CBLB: variants seen among roughly 807,000 people sequenced by gnomAD.
The protein encoded by CBLB is Cbl proto-oncogene B, also known as E3 ubiquitin-protein ligase CBL-B.
CBLB carries 31 observed loss-of-function variants against 104.9 expected under a neutral mutation model. The ratio of observed to expected loss-of-function variants is 0.30; its 90% CI spans 0.22 to 0.40. CBLB has a LOEUF of 0.40. CBLB is among the 10% of genes least tolerant of loss of function. The pLI, the probability that CBLB is intolerant of heterozygous loss-of-function variation, is 1.00. For missense variants in CBLB, 1,062 were observed against 1,214.6 expected, an observed-to-expected ratio of 0.87 and a Z score of 1.87; for synonymous variants, 440 against 422.6, an observed-to-expected ratio of 1.04 and a Z score of -0.51.
rs141992564 is a variant in CBLB at position 105,705,849 on chromosome 3, T to C, written c.1408-1676A>G. On this transcript the variant is annotated intron_variant, in intron 10 of 18. Transcript: ENST00000394030. ...TTTGTAAAGACTTTTTAAAAATAAA[T>C]CTGAGGCCAGCCCTGGTGGCTGATG... is the stretch of plus-strand genomic sequence containing the variant. Among the ~76,000 whole-genome samples the C allele has an allele frequency of 3.1e-3, 476 of 152,344 alleles. 4 individuals are homozygous for C. The Middle Eastern group carries it at 0.037, about 12-fold the overall frequency.
chr3:105,674,670 AG>A (rs2152707204), intron 17 of CBLB, among the ~76,000 whole-genome samples: 1 of 152,352 alleles, frequency 6.6e-6, no homozygotes, highest in South Asian at 2.1e-4. Context: ...ACCAGCAAAA[AG>A]GAAGTACTTT....
chr3:105,780,653 G>GTTTTTT (rs1245925965), intron 3 of CBLB, among the ~76,000 whole-genome samples: 7 of 84,692 alleles, frequency 8.3e-5, no homozygotes, highest in Non-Finnish European at 1.5e-4. Flanking sequence ...TAAAAGTTTT[G>GTTTTTT]TTTTTTGTTT....
chr3:105,818,938 T>C (rs2085439790), intron 3 of CBLB, among the ~76,000 whole-genome samples: 1 of 152,118 alleles, frequency 6.6e-6, no homozygotes, highest in South Asian at 2.1e-4. Flanking sequence ...AAAACTATAG[T>C]GAAAAAGTTT....
At chr3:105,803,770 C>T (rs981903442) in intron 3 of CBLB, among the ~76,000 whole-genome samples, 3 of 152,076 alleles carry the variant, frequency 2.0e-5, no homozygotes, top group African/African-American at 7.2e-5. Context: ...ATAGAATGAA[C>T]TTAAATTTGT....
chr3:105,830,976 G>A (rs1378977324), intron 3 of CBLB, among the ~76,000 whole-genome samples: 1 of 152,200 alleles, frequency 6.6e-6, no homozygotes, highest in Admixed American at 6.5e-5. Flanking sequence ...TAGCTGAGGA[G>A]ACACGGCTGA....
chr3:105,780,095 T>C (rs1560206414), intron 3 of CBLB, among the ~76,000 whole-genome samples: 1 of 151,954 alleles, frequency 6.6e-6, no homozygotes, highest in Non-Finnish European at 1.5e-5. Context: ...TCAGGTGATC[T>C]AACCATCTCA....
intron 3 of CBLB, among the ~76,000 whole-genome samples, chr3:105,824,798 C>T (rs1472127337): frequency 3.3e-5 from 5 of 152,086 alleles, no homozygotes; most frequent in Admixed American, 2.6e-4. Context: ...GCCTCCTATA[C>T]CCTTCCACTT....
At chr3:105,838,289 GTC>G (rs1437530482) in intron 3 of CBLB, among the ~76,000 whole-genome samples, 1 of 126,936 alleles carries the variant, frequency 7.9e-6, no homozygotes, top group Admixed American at 9.3e-5. Context: ...TAGAGATGGG[GTC>G]TCTCTGTTAC....
chr3:105,768,586 T>C (rs929395970), intron 4 of CBLB, among the ~76,000 whole-genome samples: 18 of 152,222 alleles, frequency 1.2e-4, no homozygotes, highest in Admixed American at 1.0e-3. Context: ...GGCTAGCATA[T>C]GTGAAAGCAC....
chr3:105,816,920 A>G (rs1047463423), intron 3 of CBLB, among the ~76,000 whole-genome samples: 2 of 152,126 alleles, frequency 1.3e-5, no homozygotes, highest in African/African-American at 4.8e-5. Flanking sequence ...TGATATATAT[A>G]CATCAGTATG....
At chr3:105,856,373 A>AG (rs1283717603) in intron 2 of CBLB, among the ~76,000 whole-genome samples, 12 of 150,586 alleles carry the variant, frequency 8.0e-5, no homozygotes, top group Admixed American at 6.6e-4. Flanking sequence ...AAAAAAGAAA[A>AG]GGAAAAAAAA....
At chr3:105,720,420 CA>C (rs1203085520) in intron 9 of CBLB, among the ~76,000 whole-genome samples, 170 bp from the exon 10 acceptor site, 1 of 151,864 alleles carries the variant, frequency 6.6e-6, no homozygotes, top group Non-Finnish European at 1.5e-5. Flanking sequence ...AGGGAGCCAA[CA>C]AAATGTATAA....
At position 105,655,778 on chromosome 3, in the gene CBLB, C is replaced by A. The variant is rs1419169815; in HGVS notation, c.*3192G>T. On this transcript the variant is annotated 3_prime_UTR_variant, in exon 19 of 19. Transcript: ENST00000394030. ...CAAATCTGTTAGCTGAAGAGAGAAA[C>A]TAAAATTTTATCCAAGTTAATTCAG... 2 of 210,404 alleles carry A rather than the reference C, an allele frequency of 9.5e-6. No individual in the cohort carries two copies. The highest frequency in any genetic ancestry group is 9.6e-6 in the Non-Finnish European group (1 of 103,684). 13.0% of individuals were successfully genotyped at this position (210,404 alleles called of 1,614,324 possible).
intron 9 of CBLB, among the ~76,000 whole-genome samples, chr3:105,728,044 A>G (rs1218030537): frequency 6.6e-6 from 1 of 152,094 alleles, no homozygotes; most frequent in Non-Finnish European, 1.5e-5. Flanking sequence ...TTGGTTCCAT[A>G]TGAAATTTAA....
intron 9 of CBLB, among the ~76,000 whole-genome samples, chr3:105,724,354 G>C (rs537183048): frequency 6.6e-6 from 1 of 152,200 alleles, no homozygotes; most frequent in African/African-American, 2.4e-5. Context: ...GCCCATAAAA[G>C]CCTGCATAGT....
intron 16 of CBLB, 82 bp downstream of exon 16, chr3:105,681,397 T>C (rs1232912399): frequency 8.2e-6 from 12 of 1,457,014 alleles, no homozygotes; most frequent in Non-Finnish European, 1.2e-5. Flanking sequence ...GAGTCTGTGT[T>C]ATACTGAACT....
Position 105,805,566 on chromosome 3 carries a change from A to G in CBLB, c.420-29024T>C, listed in dbSNP as rs940556745. ...AGCAATCTGCCTGCCTTGGCCTCGC[A>G]AAGTGCTGGGATTACAGGCATGAGC... On this transcript the variant is annotated intron_variant, in intron 3 of 18. Coordinates refer to ENST00000394030, the MANE Select transcript of CBLB (RefSeq NM_170662.5). Among the ~76,000 whole-genome samples the G allele has an allele frequency of 9.2e-5, 14 of 152,292 alleles. No individual in the cohort carries two copies. The East Asian group carries it at 2.7e-3, about 29-fold the overall frequency.
intron 9 of CBLB, among the ~76,000 whole-genome samples, chr3:105,722,568 A>AATTTGAGTGCAATT (rs11276533): frequency 6.6e-6 from 1 of 152,160 alleles, no homozygotes; most frequent in Non-Finnish European, 1.5e-5. Flanking sequence ...TTAAAGACCT[A>AATTTGAGTGCAATT]ATCGTAACTA....
chr3:105,746,536 C>A lies in CBLB; in HGVS notation c.724-498G>T, dbSNP rs572884976. On this transcript the variant is annotated intron_variant, in intron 5 of 18. Transcript: ENST00000394030. ...TTGTCTTGAACAAAAAAGCCCTCTT[C>A]CCCCTCAGAGACTTTGTATTTGCCG... 3.3e-5 allele frequency among the ~76,000 whole-genome samples: 5 copies of A among 152,324 alleles called. No individual in the cohort carries two copies. The East Asian group carries it at 9.6e-4, about 29-fold the overall frequency.
Sources: gnomAD v4.1 joint callset for allele counts (sites outside exome capture counted in the v4.1 genomes callset) on GRCh38, gnomAD v4.1.1 for gene constraint, MANE v1.5 for transcripts, NCBI Gene and HGNC (gene_info 2026-07-23, HGNC 2026-07-21) for gene names.